Variants in PPFIBP2 observed in about 807,000 individuals in gnomAD.
PPFIBP2 encodes PPFIB scaffold protein 2.
A neutral mutation model predicts 118.3 loss-of-function variants in PPFIBP2; 118 were observed. That is an observed-to-expected ratio of 1.00 (90% confidence interval 0.86 to 1.16). PPFIBP2 has a LOEUF of 1.16. Ranked by LOEUF, PPFIBP2 falls within the 50% of genes most tolerant of loss-of-function variation. PPFIBP2 has a pLI of 0.00. For missense variants in PPFIBP2, 1,195 were observed against 1,073.1 expected (o/e 1.11, Z -1.59); for synonymous variants, 414 against 397.4 (o/e 1.04, Z -0.50).
downstream of PPFIBP2, chr11:7,655,595 G>A (rs778897455): frequency 1.5e-4 from 152 of 986,614 alleles, no homozygotes; most frequent in Non-Finnish European, 2.0e-4. Context: ...CCTGGGGGAC[G>A]GCGAAGAATG....
intron 3 of PPFIBP2, among the ~76,000 whole-genome samples, chr11:7,588,299 C>G (rs1858586248): frequency 6.6e-6 from 1 of 152,188 alleles, no homozygotes; most frequent in African/African-American, 2.4e-5. Context: ...TCTTGCTGGT[C>G]AGTCAGTCCT....
chr11:7,557,596 A>G (rs758404260), intron 2 of PPFIBP2, among the ~76,000 whole-genome samples: 7 of 151,392 alleles, frequency 4.6e-5, no homozygotes, highest in Admixed American at 2.6e-4. Flanking sequence ...GGTTCAAGCA[A>G]TTCTCAGCCT....
intron 1 of PPFIBP2, among the ~76,000 whole-genome samples, chr11:7,531,859 G>A (rs1376241921): frequency 2.6e-5 from 4 of 151,468 alleles, no homozygotes; most frequent in Non-Finnish European, 5.9e-5. Context: ...TTTTGGAGAT[G>A]GAGTCTCACT....
At chr11:7,648,694 G>A in intron 18 of PPFIBP2, 106 bp from the exon 19 acceptor site, 2 of 1,417,302 alleles carry the variant, frequency 1.4e-6, no homozygotes, top group South Asian at 2.4e-5. Context: ...GGCACGGTGT[G>A]GAGATACACT....
intron 1 of PPFIBP2, among the ~76,000 whole-genome samples, chr11:7,541,141 GTCAGAA>G: frequency 6.6e-6 from 1 of 152,196 alleles, no homozygotes; most frequent in Non-Finnish European, 1.5e-5. Context: ...CTCAACTTTG[GTCAGAA>G]TCAGAATCAC....
chr11:7,656,745 C>A (rs764379252), downstream of PPFIBP2: 2 of 1,289,826 alleles, frequency 1.6e-6, no homozygotes, highest in Non-Finnish European at 2.0e-6. Flanking sequence ...GAGCCAGGAC[C>A]AGCTGCTGAA....
chr11:7,639,132 C>T (rs1443858654), intron 14 of PPFIBP2, among the ~76,000 whole-genome samples: 1 of 152,124 alleles, frequency 6.6e-6, no homozygotes, highest in Non-Finnish European at 1.5e-5. Flanking sequence ...AGGCAAGATC[C>T]ATATCATTTA....
intron 5 of PPFIBP2, among the ~76,000 whole-genome samples, chr11:7,601,160 C>T (rs1861355386): frequency 6.6e-6 from 1 of 152,202 alleles, no homozygotes; most frequent in Admixed American, 6.5e-5. Context: ...GGAGTTAGTT[C>T]CTTACCTAGT....
chr11:7,570,298 A>G (rs1426525828), intron 3 of PPFIBP2, among the ~76,000 whole-genome samples: 1 of 152,200 alleles, frequency 6.6e-6, no homozygotes, highest in East Asian at 1.9e-4. Flanking sequence ...CACAGTGTTG[A>G]TTCGTGTCCC....
chr11:7,531,338 C>T (rs1372313946), intron 1 of PPFIBP2, among the ~76,000 whole-genome samples: 1 of 152,170 alleles, frequency 6.6e-6, no homozygotes, highest in Non-Finnish European at 1.5e-5. Context: ...TAGCTGGGCC[C>T]AGGGCTCTTG....
Position 7,561,816 on chromosome 11 carries a change from G to C in PPFIBP2, c.65-3737G>C, listed in dbSNP as rs996204896. On this transcript the variant is annotated intron_variant, in intron 2 of 23. Coordinates refer to ENST00000299492, the MANE Select transcript of PPFIBP2 (RefSeq NM_003621.5). ...CCAGGAATTCAGGAGCGGTTTAGTT[G>C]GGTGGTTCTGGCTTAGGTCTCTTAA... Among the ~76,000 whole-genome samples the C allele has an allele frequency of 2.0e-5, 3 of 152,182 alleles. No individual in the cohort carries two copies. The East Asian group carries it at 5.8e-4, about 29-fold the overall frequency.
At chr11:7,664,523 T>G in the PPFIBP2 span, among the ~76,000 whole-genome samples, 150 of 152,286 alleles carry the variant, frequency 9.8e-4, 1 homozygote, top group East Asian at 0.027. Flanking sequence ...ACCCCTTCTG[T>G]AGCTGACAAC....
chr11:7,633,731 T>C (rs1048902619), intron 12 of PPFIBP2, among the ~76,000 whole-genome samples: 2 of 152,180 alleles, frequency 1.3e-5, no homozygotes, highest in Admixed American at 1.3e-4. Flanking sequence ...GATCAGGCAG[T>C]CCTTAGTTTT....
At position 7,632,884 on chromosome 11, in the gene PPFIBP2, C is replaced by G; in HGVS notation, c.1086C>G (p.Ser362Arg). Reference sequence around the variant, plus strand: ...TGGTGCAGATGCCTCCAAGATGTAGCTCTCCTACAGTGGGGCCACCTCCAT... The same window carrying G: ...TGGTGCAGATGCCTCCAAGATGTAGGTCTCCTACAGTGGGGCCACCTCCAT... ...LFKQEMPPRC[S>R]SPTVGPPPLP... Residue 362 changes from serine (S) to arginine (R), a missense_variant, in exon 12 of 24, where the codon AGC becomes AGG. Transcript: ENST00000299492. 9 of 1,613,822 alleles carry G rather than the reference C, an allele frequency of 5.6e-6. No individual in the cohort carries two copies. Among genetic ancestry groups the G allele is most frequent in the African/African-American group, 1.3e-5 (1 of 75,052 alleles).
intron 7 of PPFIBP2, among the ~76,000 whole-genome samples, chr11:7,623,039 G>A (rs368062231): frequency 2.0e-5 from 3 of 152,148 alleles, no homozygotes; most frequent in Non-Finnish European, 4.4e-5. Flanking sequence ...TGAGGTATAT[G>A]TTTTTTTATT....
intron 21 of PPFIBP2, 45 bp downstream of exon 21, chr11:7,649,699 C>G: frequency 1.9e-6 from 3 of 1,609,570 alleles, no homozygotes; most frequent in Non-Finnish European, 2.5e-6. Context: ...TGAGCCAGGA[C>G]CCCTGAAACA....
At chr11:7,607,636 A>G (rs546998277) in intron 5 of PPFIBP2, among the ~76,000 whole-genome samples, 7 of 151,874 alleles carry the variant, frequency 4.6e-5, no homozygotes, top group African/African-American at 1.4e-4. Flanking sequence ...AAAAGAATGA[A>G]GTCTCTTGGG....
chr11:7,534,785 C>T (rs377160343), intron 1 of PPFIBP2, among the ~76,000 whole-genome samples: 1 of 152,184 alleles, frequency 6.6e-6, no homozygotes, highest in Admixed American at 6.5e-5. Flanking sequence ...AGCCAGACAC[C>T]AATTTAATTT....
At chr11:7,665,574 C>CCTGAAA in the PPFIBP2 span, 74 of 1,575,064 alleles carry the variant, frequency 4.7e-5, no homozygotes, top group Non-Finnish European at 5.5e-5. Flanking sequence ...CAGGAGCAAG[C>CCTGAAA]TGAGCGATGC....
Sources: allele counts gnomAD v4.1 joint callset (sites outside exome capture counted in the v4.1 genomes callset), GRCh38; gene constraint gnomAD v4.1.1; transcripts MANE v1.5; gene names NCBI Gene and HGNC (gene_info 2026-07-23, HGNC 2026-07-21).